DYTN: variants seen among roughly 807,000 people sequenced by gnomAD.
The protein encoded by DYTN is dystrotelin.
DYTN carries 75 observed loss-of-function variants against 69.6 expected under a neutral mutation model. The observed-to-expected ratio is 1.08, with a 90% confidence interval of 0.89 to 1.31. DYTN has a LOEUF of 1.31. Among genes scored for constraint, DYTN ranks in the 50% most tolerant of loss-of-function variants. The probability of loss-of-function intolerance (pLI) is 0.00; values close to 1 mark genes in which losing one functional copy is unlikely to be tolerated. For synonymous variants in DYTN, 252 were observed against 249.1 expected (o/e 1.01, Z -0.11); for missense variants, 726 against 688.4 (o/e 1.05, Z -0.61).
chr2:206,693,099 T>G, intron 9 of DYTN, 76 bp downstream of exon 9: 1 of 1,489,598 alleles, frequency 6.7e-7, no homozygotes, highest in Non-Finnish European at 8.9e-7. Flanking sequence ...TTAGAAAGAT[T>G]GCTGGCCGGT....
chr2:206,656,375 T>A (rs1699447941), intron 11 of DYTN, among the ~76,000 whole-genome samples: 2 of 152,286 alleles, frequency 1.3e-5, no homozygotes, highest in African/African-American at 4.8e-5. Context: ...TGTCCTTAAA[T>A]CTGAAGTGAG....
At chr2:206,694,919 T>C (rs1052240396) in intron 7 of DYTN, 42 bp from the exon 8 acceptor site, 1 of 1,063,380 alleles carries the variant, frequency 9.4e-7, no homozygotes, top group African/African-American at 2.4e-5. Context: ...CACTAGTAGA[T>C]GAGAAAAAAA....
At chr2:206,706,016 C>T (rs550181225) in intron 3 of DYTN, 143 bp from the exon 4 acceptor site, 2 of 744,568 alleles carry the variant, frequency 2.7e-6, no homozygotes, top group East Asian at 2.7e-5. Flanking sequence ...TTATCCTATA[C>T]CTAGAATTTA....
At chr2:206,665,703 G>T (rs1699562810) in intron 10 of DYTN, among the ~76,000 whole-genome samples, 167 bp downstream of exon 10, 2 of 152,170 alleles carry the variant, frequency 1.3e-5, no homozygotes, top group Admixed American at 1.3e-4. Context: ...TGCCTTCATG[G>T]AGGGATAGGA....
At chr2:206,707,154 C>T (rs577800765) in intron 3 of DYTN, 148 bp downstream of exon 3, 6 of 970,430 alleles carry the variant, frequency 6.2e-6, no homozygotes, top group East Asian at 5.3e-5. Context: ...CTTTGTTCTA[C>T]TCCTGAGGAA....
At chr2:206,678,731 G>A (rs1193074646) in intron 9 of DYTN, among the ~76,000 whole-genome samples, 2 of 152,148 alleles carry the variant, frequency 1.3e-5, no homozygotes, top group Non-Finnish European at 2.9e-5. Flanking sequence ...TTATAGGAAA[G>A]GAAGTATACC....
intron 9 of DYTN, among the ~76,000 whole-genome samples, chr2:206,692,689 T>C (rs888219958): frequency 1.3e-5 from 2 of 152,172 alleles, no homozygotes; most frequent in Non-Finnish European, 2.9e-5. Flanking sequence ...TTTTGGGAAC[T>C]AAGAATGAAA....
chr2:206,694,302 A>G (rs1699896103), intron 8 of DYTN, among the ~76,000 whole-genome samples: 2 of 152,354 alleles, frequency 1.3e-5, no homozygotes, highest in South Asian at 4.1e-4. Flanking sequence ...CATTGAGATA[A>G]TAATCTTTCT....
intron 9 of DYTN, among the ~76,000 whole-genome samples, chr2:206,685,100 G>C (rs1339509121): frequency 6.6e-6 from 1 of 152,070 alleles, no homozygotes; most frequent in Non-Finnish European, 1.5e-5. Flanking sequence ...TGCACAGAAG[G>C]GCAACTATGA....
rs2105901444 is a variant in DYTN, at chr2:206,707,278, A to G, written c.296+24T>C. 5 of 1,602,756 alleles carry G rather than the reference A, an allele frequency of 3.1e-6. No homozygotes were observed. The South Asian group carries it at 5.7e-5, about 18-fold the overall frequency. On this transcript the variant is annotated intron_variant, in intron 3 of 11. Transcript: ENST00000452335. Reference sequence around the variant, plus strand: ...GAAACTAAACTTTGCCTTTGAGGTCACAGCGCGACGTCCACACCCTCACCT... The same window carrying G: ...GAAACTAAACTTTGCCTTTGAGGTCGCAGCGCGACGTCCACACCCTCACCT...
At chr2:206,704,730 G>C (rs866631470) in intron 5 of DYTN, 113 bp downstream of exon 5, 2 of 862,728 alleles carry the variant, frequency 2.3e-6, no homozygotes, top group African/African-American at 3.4e-5. Context: ...GAGAGAGCTT[G>C]CATGGAGTTA....
rs768920840 is a variant in DYTN, at chr2:206,693,250, T to G, written c.905A>C (p.Lys302Thr). The G allele has an allele frequency of 3.6e-5, 58 of 1,613,600 alleles. No individual in the cohort carries two copies. Among genetic ancestry groups the G allele is most frequent in the Non-Finnish European group, 4.9e-5 (58 of 1,179,878 alleles). Residue 302 changes from lysine to threonine, a missense_variant, in exon 9 of 12, where the codon AAG becomes ACG. Physicochemically the swap from Lys to Thr is moderately conservative, Grantham distance 78. Coordinates refer to ENST00000452335, the MANE Select transcript of DYTN (RefSeq NM_001093730.1). ...RNNLLQGRCR[K>T]KEAARRQQLL... ...CTGCTGCCTTCTCGCTGCTTCTTTCTTCCTACAGCGCCCCTGAAGAAGGTT... is the reference window on the plus strand; with the variant it reads ...CTGCTGCCTTCTCGCTGCTTCTTTCGTCCTACAGCGCCCCTGAAGAAGGTT...
intron 2 of DYTN, among the ~76,000 whole-genome samples, 190 bp downstream of exon 2, chr2:206,710,334 A>G (rs1199015660): frequency 6.6e-6 from 1 of 152,222 alleles, no homozygotes; most frequent in Non-Finnish European, 1.5e-5. Context: ...GCAAAACTAC[A>G]CATGGTTTGC....
chr2:206,669,521 G>T (rs1036519680), intron 9 of DYTN, among the ~76,000 whole-genome samples: 1 of 152,072 alleles, frequency 6.6e-6, no homozygotes, highest in African/African-American at 2.4e-5. Context: ...GGTACACTTT[G>T]TAGTGATAAA....
rs1179675999 is a variant in DYTN, at chr2:206,710,570, A to G, written c.48T>C (p.Ile16=). Residue 16 remains isoleucine (I), a synonymous_variant, in exon 2 of 12, where the codon ATT becomes ATC. Coordinates refer to ENST00000452335, the MANE Select transcript of DYTN (RefSeq NM_001093730.1). The part of the protein sequence containing the change: ...QDALNSIENS[I]YRTAFKLQSV... ...ATTGTAATTTGAAGGCTGTTCTATA[A>G]ATGGAATTCTCAATACTATTAAGAG... is the stretch of plus-strand genomic sequence containing the variant. 1.2e-6 allele frequency: 2 copies of G among 1,611,746 alleles called. No individual in the cohort carries two copies. Among genetic ancestry groups the G allele is most frequent in the Non-Finnish European group, 1.7e-6 (2 of 1,178,938 alleles).
chr2:206,691,740 T>C (rs1574597963), intron 9 of DYTN, among the ~76,000 whole-genome samples: 1 of 152,188 alleles, frequency 6.6e-6, no homozygotes, highest in Admixed American at 6.5e-5. Context: ...TGTGAGGTCA[T>C]TGTGTACTTT....
chr2:206,689,720 G>T (rs573872534), intron 9 of DYTN, among the ~76,000 whole-genome samples: 6 of 152,308 alleles, frequency 3.9e-5, no homozygotes, highest in African/African-American at 1.4e-4. Flanking sequence ...TGAGGGCAAA[G>T]CTTCTGTCTC....
At chr2:206,658,295 T>A (rs1433283245) in intron 11 of DYTN, among the ~76,000 whole-genome samples, 1 of 152,192 alleles carries the variant, frequency 6.6e-6, no homozygotes, top group Non-Finnish European at 1.5e-5. Flanking sequence ...TATTTTCAAT[T>A]CTCTGTCAGG....
chr2:206,668,207 T>C (rs1259587879), intron 9 of DYTN, among the ~76,000 whole-genome samples: 1 of 152,216 alleles, frequency 6.6e-6, no homozygotes, highest in Non-Finnish European at 1.5e-5. Context: ...CCACTAACGA[T>C]GTCAGGCTCT....
Sources: allele counts gnomAD v4.1 joint callset (sites outside exome capture counted in the v4.1 genomes callset), GRCh38; gene constraint gnomAD v4.1.1; transcripts MANE v1.5; gene names NCBI Gene and HGNC (gene_info 2026-07-23, HGNC 2026-07-21).